The following ZNF385B variants were observed in gnomAD, a reference collection of about 807,000 sequenced individuals.
ZNF385B encodes the protein zinc finger protein 533.
Under a neutral mutation model 39.2 loss-of-function variants are expected in ZNF385B, and 23 were observed. The ratio of observed to expected loss-of-function variants is 0.59; its 90% CI spans 0.42 to 0.83. The LOEUF is 0.83. ZNF385B is among the 40% of genes least tolerant of loss of function. The probability of loss-of-function intolerance (pLI) is 0.00; values close to 1 mark genes in which losing one functional copy is unlikely to be tolerated. For missense variants in ZNF385B, 552 were observed against 598.9 expected (o/e 0.92, Z 0.82); for synonymous variants, 205 against 222.6 (o/e 0.92, Z 0.70).
chr2:179,742,876 C>G (rs17824564), intron 3 of ZNF385B, among the ~76,000 whole-genome samples: 1 of 151,884 alleles, frequency 6.6e-6, no homozygotes. Flanking sequence ...ATTCAAGATG[C>G]TATACCTTAA....
chr2:179,854,666 T>C (rs1446413927), intron 1 of ZNF385B, among the ~76,000 whole-genome samples: 2 of 152,132 alleles, frequency 1.3e-5, no homozygotes, highest in Non-Finnish European at 1.5e-5. Flanking sequence ...CTAATGCAAA[T>C]CAAAAATCAC....
At chr2:179,493,689 A>ATATGCATATACC (rs765915327) in intron 5 of ZNF385B, among the ~76,000 whole-genome samples, 1 of 96,114 alleles carries the variant, frequency 1.0e-5, no homozygotes, top group Non-Finnish European at 2.2e-5. Flanking sequence ...ACATATACAC[A>ATATGCATATACC]TATATACATA....
At chr2:179,765,868 CT>C (rs1411624597) in intron 3 of ZNF385B, among the ~76,000 whole-genome samples, 2 of 152,116 alleles carry the variant, frequency 1.3e-5, no homozygotes, top group East Asian at 1.9e-4. Flanking sequence ...CATTAGGGAT[CT>C]TTTATATGCA....
chr2:179,818,896 A>C (rs1707231110), intron 1 of ZNF385B, among the ~76,000 whole-genome samples: 1 of 152,150 alleles, frequency 6.6e-6, no homozygotes, highest in South Asian at 2.1e-4. Context: ...TCTTCCCCAG[A>C]GTGCCAGTTC....
intron 1 of ZNF385B, among the ~76,000 whole-genome samples, chr2:179,821,525 C>G (rs1190841578): frequency 6.6e-6 from 1 of 152,076 alleles, no homozygotes; most frequent in Non-Finnish European, 1.5e-5. Flanking sequence ...AAAAACAATA[C>G]TCTCGAGTAA....
At position 179,858,772 on chromosome 2, in the gene ZNF385B, A is replaced by G. The variant is rs553195532; in HGVS notation, c.-155+2329T>C. ...CTTTAGATCTTTGAAGACATATAGG[A>G]TATTATGGGAACAGCAGAGCAAATT... On this transcript the variant is annotated intron_variant, in intron 1 of 9. Coordinates refer to ENST00000410066, the MANE Select transcript of ZNF385B (RefSeq NM_152520.6). 1.3e-4 allele frequency among the ~76,000 whole-genome samples: 20 copies of G among 152,272 alleles called. No individual in the cohort carries two copies. The South Asian group carries it at 1.9e-3, about 14-fold the overall frequency.
At chr2:179,696,326 C>CTGTTTTTTTTTTTTTTT (rs1698742555) in intron 3 of ZNF385B, among the ~76,000 whole-genome samples, 1 of 40,354 alleles carries the variant, frequency 2.5e-5, no homozygotes, top group African/African-American at 1.0e-4. Flanking sequence ...CAAACTGGGA[C>CTGTTTTTTTTTTTTTTT]TTTTTTTTTT....
chr2:179,674,469 C>T (rs1271451993), intron 3 of ZNF385B, among the ~76,000 whole-genome samples: 1 of 152,130 alleles, frequency 6.6e-6, no homozygotes, highest in African/African-American at 2.4e-5. Context: ...CCAAATTTCA[C>T]ATGGGAAACC....
intron 1 of ZNF385B, among the ~76,000 whole-genome samples, chr2:179,775,836 T>C (rs7607561): frequency 0.11 from 16,978 of 152,284 alleles, 1,612 homozygotes; most frequent in East Asian, 0.49. Flanking sequence ...CACAATCATA[T>C]GAAAGGTTGT....
chr2:179,451,316 C>A (rs2050130917), intron 6 of ZNF385B, among the ~76,000 whole-genome samples: 1 of 148,274 alleles, frequency 6.7e-6, no homozygotes, highest in African/African-American at 2.5e-5. Flanking sequence ...TGGTTGGAAG[C>A]AGAAACATAA....
At chr2:179,517,321 G>C (rs2058161973) in intron 5 of ZNF385B, among the ~76,000 whole-genome samples, 1 of 151,822 alleles carries the variant, frequency 6.6e-6, no homozygotes, top group Non-Finnish European at 1.5e-5. Flanking sequence ...TGGATCTATA[G>C]ATCAATTGGG....
intron 3 of ZNF385B, among the ~76,000 whole-genome samples, chr2:179,739,839 C>A (rs899932207): frequency 6.6e-6 from 1 of 152,066 alleles, no homozygotes; most frequent in Non-Finnish European, 1.5e-5. Context: ...TGATTCAGAG[C>A]CCATTACAGG....
In ZNF385B at chr2:179,500,816, G is replaced by T. The variant is rs2056684589; in HGVS notation, c.553-17382C>A. ...AAAGTGAAGAGACAACCCATAGAAT[G>T]GGATAAAACATCTGCAAACTACCTA... On this transcript the variant is annotated intron_variant, in intron 5 of 9. Coordinates refer to ENST00000410066, the MANE Select transcript of ZNF385B (RefSeq NM_152520.6). 3.3e-5 allele frequency among the ~76,000 whole-genome samples: 5 copies of T among 152,114 alleles called. No individual in the cohort carries two copies. In the South Asian group the frequency reaches 1.0e-3, roughly 32 times the overall value.
chr2:179,546,148 A>C (rs904120554), intron 3 of ZNF385B, among the ~76,000 whole-genome samples: 23 of 151,954 alleles, frequency 1.5e-4, no homozygotes, highest in African/African-American at 5.6e-4. Flanking sequence ...TGAGCCCCCA[A>C]CTTCAGTCTT....
At chr2:179,624,737 T>C (rs190001079) in intron 3 of ZNF385B, among the ~76,000 whole-genome samples, 3 of 152,204 alleles carry the variant, frequency 2.0e-5, no homozygotes, top group Admixed American at 1.3e-4. Flanking sequence ...ATCACTCAGA[T>C]AGGGAAGTCG....
intron 1 of ZNF385B, among the ~76,000 whole-genome samples, chr2:179,838,428 A>G (rs1708365922): frequency 6.6e-6 from 1 of 152,156 alleles, no homozygotes; most frequent in Admixed American, 6.6e-5. Flanking sequence ...TCACACCACA[A>G]TCTTCATACA....
intron 5 of ZNF385B, among the ~76,000 whole-genome samples, chr2:179,506,464 A>C (rs2057263555): frequency 6.6e-6 from 1 of 152,154 alleles, no homozygotes; most frequent in African/African-American, 2.4e-5. Flanking sequence ...ATAAGAAATA[A>C]ACGAAAATAA....
At chr2:179,471,062 T>C (rs1160303541) in intron 6 of ZNF385B, among the ~76,000 whole-genome samples, 1 of 152,172 alleles carries the variant, frequency 6.6e-6, no homozygotes, top group Non-Finnish European at 1.5e-5. Context: ...AATGATATTA[T>C]TTTAAGAGGG....
intron 3 of ZNF385B, among the ~76,000 whole-genome samples, chr2:179,629,459 T>G (rs796494143): frequency 6.9e-6 from 1 of 145,260 alleles, no homozygotes; most frequent in Admixed American, 6.9e-5. Flanking sequence ...CCCTTATATA[T>G]GAATAGAGCA....
Sources: allele counts gnomAD v4.1 joint callset (sites outside exome capture counted in the v4.1 genomes callset), GRCh38; gene constraint gnomAD v4.1.1; transcripts MANE v1.5; gene names NCBI Gene and HGNC (gene_info 2026-07-23, HGNC 2026-07-21).